Variants in COPG2 observed in about 807,000 individuals in gnomAD.
COPG2 encodes the protein coatomer subunit gamma-2.
COPG2 carries 37 observed loss-of-function variants against 46.3 expected under a neutral mutation model. That is an observed-to-expected ratio of 0.80 (90% confidence interval 0.61 to 1.05). The LOEUF (loss-of-function observed/expected upper bound fraction) is 1.05. Ranked by LOEUF, COPG2 falls within the 50% of genes least tolerant of loss-of-function variation. The pLI is 0.00. For synonymous variants in COPG2, 159 were observed against 129.7 expected, an observed-to-expected ratio of 1.23 and a Z score of -1.53; for missense variants, 427 against 387.8, an observed-to-expected ratio of 1.10 and a Z score of -0.85.
intron 5 of COPG2, among the ~76,000 whole-genome samples, chr7:130,631,907 T>C (rs1554455270): frequency 6.6e-6 from 1 of 152,238 alleles, no homozygotes; most frequent in East Asian, 1.9e-4. Context: ...TTATAATTAA[T>C]GTGACTCTGT....
intron 5 of COPG2, among the ~76,000 whole-genome samples, chr7:130,641,918 T>C (rs1795497839): frequency 6.6e-6 from 1 of 152,216 alleles, no homozygotes. Context: ...AACCCATTTA[T>C]TTCTTCCTAA....
chr7:130,647,990 A>C lies in COPG2; in HGVS notation c.323+4879T>G, dbSNP rs533465520. On this transcript the variant is annotated intron_variant, in intron 5 of 23. Coordinates refer to ENST00000425248, the MANE Select transcript of COPG2 (RefSeq NM_012133.6). ...CATGATCCACCCACCTCGGCCTCCC[A>C]AAGTGCTGGGATTACACGCGTGAGC... Among the ~76,000 whole-genome samples, 346 of 152,210 alleles carry C rather than the reference A, an allele frequency of 2.3e-3. 1 individual carries two copies. The highest frequency in any genetic ancestry group is 3.2e-3 in the Non-Finnish European group (219 of 68,010).
At chr7:130,588,417 C>G (rs36199352) in intron 9 of COPG2, among the ~76,000 whole-genome samples, 17,490 of 151,548 alleles carry the variant, frequency 0.12, 1,186 homozygotes, top group East Asian at 0.22. Flanking sequence ...CAATGATAGA[C>G]CGGATTAAGA....
chr7:130,591,828 C>T (rs1196137941), intron 9 of COPG2, among the ~76,000 whole-genome samples: 11 of 150,592 alleles, frequency 7.3e-5, no homozygotes, highest in Non-Finnish European at 8.9e-5. Context: ...AGGTGAGGGG[C>T]GCCTCTGTCC....
chr7:130,595,403 G>A (rs999266003), intron 9 of COPG2, among the ~76,000 whole-genome samples: 1 of 152,184 alleles, frequency 6.6e-6, no homozygotes, highest in African/African-American at 2.4e-5. Context: ...TGCTTTCTTT[G>A]TGAGGTGATG....
chr7:130,640,909 G>A (rs191085331), intron 5 of COPG2, among the ~76,000 whole-genome samples: 10 of 152,052 alleles, frequency 6.6e-5, no homozygotes, highest in Admixed American at 3.9e-4. Context: ...CACTTTTCCA[G>A]GTATTGATGA....
chr7:130,576,031 CAT>C (rs1793993705), intron 9 of COPG2, among the ~76,000 whole-genome samples: 1 of 152,146 alleles, frequency 6.6e-6, no homozygotes, highest in African/African-American at 2.4e-5. Context: ...CAATCCTAAA[CAT>C]ATATCCACCC....
At chr7:130,668,353 G>A (rs1401511862) in intron 1 of COPG2, among the ~76,000 whole-genome samples, 2 of 150,538 alleles carry the variant, frequency 1.3e-5, no homozygotes, top group African/African-American at 2.4e-5. Flanking sequence ...AGGGGAGGAG[G>A]CGGCTCGGAG....
chr7:130,553,940 C>T (rs1177289738), intron 14 of COPG2, among the ~76,000 whole-genome samples: 3 of 152,056 alleles, frequency 2.0e-5, no homozygotes. Context: ...AAGTAATTTT[C>T]AATAAAATTA....
chr7:130,608,387 A>AC, intron 9 of COPG2: 1 of 227,072 alleles, frequency 4.4e-6, no homozygotes, highest in Non-Finnish European at 8.8e-6. Context: ...CTACACATTT[A>AC]CCCTTTCTCT....
chr7:130,600,729 A>T (rs970937203), intron 9 of COPG2, among the ~76,000 whole-genome samples: 13 of 152,292 alleles, frequency 8.5e-5, no homozygotes, highest in South Asian at 8.3e-4. Context: ...AAAGGCATAA[A>T]GGTCTCTTGT....
intron 9 of COPG2, among the ~76,000 whole-genome samples, chr7:130,579,424 G>C (rs1794086850): frequency 6.7e-6 from 1 of 150,014 alleles, no homozygotes; most frequent in Non-Finnish European, 1.5e-5. Context: ...TCGAGACTAG[G>C]AAGAAACTGC....
intron 4 of COPG2, among the ~76,000 whole-genome samples, chr7:130,661,994 A>C (rs1398356309): frequency 5.3e-5 from 8 of 152,168 alleles, no homozygotes; most frequent in African/African-American, 1.9e-4. Flanking sequence ...TCTTATGTTA[A>C]AGTTAGGACC....
chr7:130,515,523 C>CA lies in COPG2; in HGVS notation c.2150-6865dup, dbSNP rs1366156572. On this transcript the variant is annotated intron_variant, in intron 20 of 23. Transcript: ENST00000425248. ...TGAGATTTGAGTAGGGATACAGATCCAAACCACATCCTGGGGTAAGGCCCT... is the reference window on the plus strand; with the variant it reads ...TGAGATTTGAGTAGGGATACAGATCCAAAACCACATCCTGGGGTAAGGCCCT... Among the ~76,000 whole-genome samples the CA allele has an allele frequency of 2.0e-5, 3 of 152,286 alleles. No homozygotes were observed. In the East Asian group the frequency reaches 5.8e-4, roughly 29 times the overall value.
At chr7:130,577,273 T>C (rs149758220) in intron 9 of COPG2, among the ~76,000 whole-genome samples, 12,236 of 152,246 alleles carry the variant, frequency 0.08, 817 homozygotes, top group African/African-American at 0.18. Context: ...TTCATCTCAC[T>C]AGGGAGTGCC....
intron 20 of COPG2, among the ~76,000 whole-genome samples, chr7:130,546,491 G>A (rs1793445435): frequency 6.6e-6 from 1 of 152,162 alleles, no homozygotes; most frequent in Non-Finnish European, 1.5e-5. Flanking sequence ...GAGAAATATT[G>A]GAGGCCAGAT....
intron 20 of COPG2, among the ~76,000 whole-genome samples, chr7:130,522,172 T>C (rs1194424360): frequency 6.6e-6 from 1 of 151,954 alleles, no homozygotes; most frequent in African/African-American, 2.4e-5. Flanking sequence ...GAAAAAGAGG[T>C]GCAGAATGGA....
At chr7:130,620,822 T>C (rs952229876) in intron 5 of COPG2, among the ~76,000 whole-genome samples, 6 of 152,304 alleles carry the variant, frequency 3.9e-5, no homozygotes, top group South Asian at 2.1e-4. Flanking sequence ...TTTTACAATA[T>C]GGTGAATGTG....
Position 130,668,633 on chromosome 7 carries a change from A to G in COPG2, c.36T>C (p.Ser12=). The G allele has an allele frequency of 6.5e-7, 1 of 1,536,818 alleles. No homozygotes were observed. The highest frequency in any genetic ancestry group is 8.7e-7 in the Non-Finnish European group (1 of 1,143,960). The change falls in exon 1 of 24, where the codon TCT becomes TCC. Residue 12 remains serine, a splice_region_variant and synonymous_variant. Transcript: ENST00000425248. The part of the protein sequence containing the change: ...IKKFDKKDEE[S]GSGSNPFQHL... ...GGGCCTCGGAAGCCCCGCGCGTACC[A>G]GACTCCTCGTCCTTCTTGTCGAATT...
Sources: gnomAD v4.1 joint callset for allele counts (sites outside exome capture counted in the v4.1 genomes callset) on GRCh38, gnomAD v4.1.1 for gene constraint, MANE v1.5 for transcripts, NCBI Gene and HGNC (gene_info 2026-07-23, HGNC 2026-07-21) for gene names.